ARHGAP6: variants seen among roughly 807,000 people sequenced by gnomAD.
The protein encoded by ARHGAP6 is Rho GTPase activating protein 6.
In ARHGAP6, 16 loss-of-function variants were observed where a neutral mutation model predicts 55.7. The ratio of observed to expected loss-of-function variants is 0.29; its 90% CI spans 0.19 to 0.44. The LOEUF is 0.44. Among genes scored for constraint, ARHGAP6 ranks in the 20% least tolerant of loss-of-function variants. The pLI is 1.00. For synonymous variants in ARHGAP6, 382 were observed against 360.9 expected (o/e 1.06, Z -0.66); for missense variants, 698 against 808.9 (o/e 0.86, Z 1.66).
rs747658427 is a variant in ARHGAP6 at position 11,188,788 on chromosome X, T to C, written c.1017A>G (p.Glu339=). 9 of 1,210,482 alleles carry C rather than the reference T, an allele frequency of 7.4e-6. No homozygotes were observed. Among genetic ancestry groups the C allele is most frequent in the African/African-American group, 1.7e-5 (1 of 57,320 alleles). ...TTGGGGACGTTGACTCATTCGGTGT[T>C]TCTGAGGTTGAGCTGAGAGATGAGT... ...SSNSSLSSTS[E]TPNESTSPNT... is the part of the protein sequence containing the mutation. Residue 339 remains glutamate, a synonymous_variant, in exon 4 of 13, where the codon GAA becomes GAG. Coordinates refer to ENST00000337414, the MANE Select transcript of ARHGAP6 (RefSeq NM_013427.3).
intron 2 of ARHGAP6, among the ~76,000 whole-genome samples, chrX:11,225,993 G>GA (rs1941503519): frequency 9.2e-6 from 1 of 108,770 alleles, no homozygotes; most frequent in African/African-American, 3.4e-5. Context: ...AGTTGGCCCC[G>GA]AGAGTTTCTT....
chrX:11,187,642 G>A (rs2046402692), intron 4 of ARHGAP6, among the ~76,000 whole-genome samples: 3 of 111,838 alleles, frequency 2.7e-5, no homozygotes, highest in Admixed American at 1.9e-4. Flanking sequence ...AAATGTTAGG[G>A]GCTGATTGAA....
intron 1 of ARHGAP6, among the ~76,000 whole-genome samples, chrX:11,531,844 T>A (rs2051052925): frequency 8.9e-6 from 1 of 112,472 alleles, no homozygotes; most frequent in Admixed American, 9.4e-5. Context: ...TTTCTCTTAT[T>A]AGCTCAGTAC....
At chrX:11,372,207 C>T (rs937633966) in intron 1 of ARHGAP6, among the ~76,000 whole-genome samples, 81 of 111,839 alleles carry the variant, frequency 7.2e-4, no homozygotes, top group African/African-American at 2.6e-3. Context: ...CTAGATGTGT[C>T]ATTATAATCA....
At chrX:11,340,429 A>C (rs59812797) in intron 1 of ARHGAP6, among the ~76,000 whole-genome samples, 1 of 111,452 alleles carries the variant, frequency 9.0e-6, no homozygotes, top group Non-Finnish European at 1.9e-5. Flanking sequence ...CCTTCTTAAC[A>C]GTGTCTAAAA....
intron 1 of ARHGAP6, among the ~76,000 whole-genome samples, chrX:11,640,789 C>G (rs1281540312): frequency 1.8e-5 from 2 of 111,557 alleles, no homozygotes; most frequent in Admixed American, 1.9e-4. Flanking sequence ...GCTCAAAGTA[C>G]CCCCATCTGT....
At chrX:11,467,026 C>T (rs2050300136) in intron 1 of ARHGAP6, among the ~76,000 whole-genome samples, 1 of 112,185 alleles carries the variant, frequency 8.9e-6, no homozygotes, top group Admixed American at 9.4e-5. Context: ...GCCTTGAAGT[C>T]ATTTGTTGAA....
At chrX:11,418,327 A>G (rs936523915) in intron 1 of ARHGAP6, among the ~76,000 whole-genome samples, 55 of 112,178 alleles carry the variant, frequency 4.9e-4, no homozygotes, top group Admixed American at 1.5e-3. Context: ...TAACTGCAAT[A>G]CTTAGCTGCA....
intron 2 of ARHGAP6, among the ~76,000 whole-genome samples, chrX:11,215,269 T>C (rs768265506): frequency 1.3e-4 from 15 of 112,511 alleles, no homozygotes; most frequent in Middle Eastern, 4.7e-3. Flanking sequence ...CTGAGATAGC[T>C]GGGGAGATCC....
intron 1 of ARHGAP6, among the ~76,000 whole-genome samples, chrX:11,555,826 A>G (rs934848708): frequency 3.0e-4 from 33 of 110,960 alleles, no homozygotes; most frequent in African/African-American, 1.0e-3. Flanking sequence ...GTACGCAGAG[A>G]CCTCCACATG....
intron 1 of ARHGAP6, among the ~76,000 whole-genome samples, chrX:11,535,013 TC>T (rs755587593): frequency 9.0e-6 from 1 of 110,783 alleles, no homozygotes; most frequent in East Asian, 2.8e-4. Context: ...CTTATTTTCT[TC>T]CCCCCATTTC....
intron 2 of ARHGAP6, among the ~76,000 whole-genome samples, chrX:11,226,191 G>A (rs1347187663): frequency 1.0e-4 from 10 of 97,757 alleles, no homozygotes; most frequent in Admixed American, 3.6e-4. Flanking sequence ...CCCTTCCTGT[G>A]TCCATGTGAT....
intron 1 of ARHGAP6, among the ~76,000 whole-genome samples, chrX:11,261,386 A>G (rs1351596091): frequency 9.0e-6 from 1 of 111,326 alleles, no homozygotes; most frequent in Non-Finnish European, 1.9e-5. Context: ...GCACCCAGGA[A>G]GGGCACCAAA....
chrX:11,300,826 A>C, intron 1 of ARHGAP6: 1 of 378,649 alleles, frequency 2.6e-6, no homozygotes, highest in South Asian at 6.1e-5. Context: ...ATTATGAATG[A>C]GTATTCTTGA....
chrX:11,558,321 T>C (rs2051342615), intron 1 of ARHGAP6, among the ~76,000 whole-genome samples: 2 of 111,735 alleles, frequency 1.8e-5, no homozygotes, highest in Non-Finnish European at 3.8e-5. Flanking sequence ...TGTCGGAGGA[T>C]TGTCAACAGG....
In ARHGAP6 at chrX:11,577,534, G is replaced by T. The variant is rs1191752252; in HGVS notation, c.588+86707C>A. On this transcript the variant is annotated intron_variant, in intron 1 of 12. Coordinates refer to ENST00000337414, the MANE Select transcript of ARHGAP6 (RefSeq NM_013427.3). ...CAGAGTATGTTCCCATGACCAGAAA[G>T]AAACTACTAGAAAGAGAGTTGCAGG... Among the ~76,000 whole-genome samples, 3 of 111,981 alleles carry T rather than the reference G, an allele frequency of 2.7e-5. No individual in the cohort carries two copies. The Admixed American group carries it at 2.8e-4, about 11-fold the overall frequency.
chrX:11,306,583 T>C (rs1441221135), intron 1 of ARHGAP6, among the ~76,000 whole-genome samples: 1 of 112,748 alleles, frequency 8.9e-6, no homozygotes, highest in African/African-American at 3.2e-5. Flanking sequence ...AATTTACAAA[T>C]GAGGGTTTGA....
intron 1 of ARHGAP6, among the ~76,000 whole-genome samples, chrX:11,558,991 G>A (rs1038468505): frequency 1.9e-5 from 2 of 105,077 alleles, no homozygotes; most frequent in Admixed American, 1.1e-4. Flanking sequence ...CTTTTGTTCC[G>A]CTTCTGCTTG....
chrX:11,430,052 T>G (rs1039815460), intron 1 of ARHGAP6, among the ~76,000 whole-genome samples: 1 of 110,327 alleles, frequency 9.1e-6, no homozygotes, highest in African/African-American at 3.3e-5. Flanking sequence ...AAGCTAAAAA[T>G]CCCTTTCCCT....
Sources: allele counts gnomAD v4.1 joint callset (sites outside exome capture counted in the v4.1 genomes callset), GRCh38; gene constraint gnomAD v4.1.1; transcripts MANE v1.5; gene names NCBI Gene and HGNC (gene_info 2026-07-23, HGNC 2026-07-21).